NPHS1: variants seen among roughly 807,000 people sequenced by gnomAD.
The protein encoded by NPHS1 is NPHS1 adhesion molecule, nephrin, also known as nephrin.
A neutral mutation model predicts 139.7 loss-of-function variants in NPHS1; 107 were observed. That is an observed-to-expected ratio of 0.77 (90% CI 0.66 to 0.90). The LOEUF (loss-of-function observed/expected upper bound fraction) is 0.90, where lower values mean the gene tolerates loss of function less well. NPHS1 is among the 40% of genes least tolerant of loss of function. NPHS1 has a pLI of 0.00. For synonymous variants in NPHS1, 707 were observed against 706.6 expected, an observed-to-expected ratio of 1.00 and a Z score of -0.01; for missense variants, 1,580 against 1,654.2, an observed-to-expected ratio of 0.96 and a Z score of 0.78.
At chr19:35,846,247 C>A in intron 11 of NPHS1, 53 bp from the exon 12 acceptor site, 4 of 1,527,310 alleles carry the variant, frequency 2.6e-6, no homozygotes, top group Middle Eastern at 2.2e-4. Context: ...CTTCCACCAA[C>A]CCCCAACCCC....
intron 11 of NPHS1, 63 bp downstream of exon 11, chr19:35,847,978 A>G: frequency 6.4e-7 from 1 of 1,551,578 alleles, no homozygotes; most frequent in Non-Finnish European, 8.8e-7. Context: ...TCTGAAGGAG[A>G]GAAGGGGCCT....
In NPHS1 at chr19:35,839,218, C is replaced by A. The variant is rs771076725; in HGVS notation, c.3109+19G>T. The A allele has an allele frequency of 1.2e-6, 2 of 1,613,546 alleles. No individual in the cohort carries two copies. The highest frequency in any genetic ancestry group is 2.2e-5 in the South Asian group (2 of 91,062). On this transcript the variant is annotated intron_variant, in intron 22 of 28. Coordinates refer to ENST00000378910, the MANE Select transcript of NPHS1 (RefSeq NM_004646.4). ...ATCCTCTGAGGAATACTCCAACCTG[C>A]CCAAGCCTCCCTTCCCACCTGGGGT... is the stretch of plus-strand genomic sequence containing the variant.
At chr19:35,847,982 G>A (rs1223734923) in intron 11 of NPHS1, 59 bp downstream of exon 11, 2 of 1,571,114 alleles carry the variant, frequency 1.3e-6, no homozygotes, top group African/African-American at 2.7e-5. Context: ...AAGGAGAGAA[G>A]GGGCCTGGTC....
rs929991772 is a variant in NPHS1 at position 35,826,267 on chromosome 19, C to T, written c.*247G>A. 16 of 498,050 alleles carry T rather than the reference C, an allele frequency of 3.2e-5. No homozygotes were observed. The highest frequency in any genetic ancestry group is 1.5e-4 in the South Asian group (7 of 46,436). The allele number at this position is 498,050 out of a possible 1,614,324, so 30.9% of individuals were successfully genotyped here. A position where few individuals can be genotyped will look rare whatever the true frequency, so the allele number is the denominator to read the frequency against. On this transcript the variant is annotated 3_prime_UTR_variant, in exon 29 of 29. Transcript: ENST00000378910. ...CGGCAGCATTTCATTTTTGAGACGACGTTTACAATCTGCCCTGTCCTTTTG... is the reference window on the plus strand; with the variant it reads ...CGGCAGCATTTCATTTTTGAGACGATGTTTACAATCTGCCCTGTCCTTTTG...
In NPHS1 at chr19:35,845,211, A is replaced by G. The variant is rs1236199745; in HGVS notation, c.1930+157T>C. On this transcript the variant is annotated intron_variant, in intron 14 of 28. Transcript: ENST00000378910. This position sits in a 1 kb window ranked among gnomAD's most constrained non-coding sequence, Gnocchi z 5.5. ...CTTGAGCTCAGGAGTTGGAGACTGC[A>G]GTGACCTATGATTGCGTCACTGCAT... Among the ~76,000 whole-genome samples, 3 of 152,184 alleles carry G rather than the reference A, an allele frequency of 2.0e-5. No individual in the cohort carries two copies. Among genetic ancestry groups the G allele is most frequent in the African/African-American group, 7.2e-5 (3 of 41,432 alleles).
rs2146818880 is a variant in NPHS1 at position 35,841,704 on chromosome 19, C to T, written c.2815+11G>A. 2.5e-6 allele frequency: 4 copies of T among 1,614,114 alleles called. No individual in the cohort carries two copies. The highest frequency in any genetic ancestry group is 2.2e-5 in the East Asian group (1 of 44,870). The stretch of plus-strand genomic sequence containing the variant: ...CACCCCCTCCCCAACACCCTCACAG[C>T]CCCTCCATACTGATGCTGACAAGTT... On this transcript the variant is annotated intron_variant, in intron 20 of 28. Transcript: ENST00000378910.
chr19:35,847,343 C>A (rs1412591361), intron 11 of NPHS1, among the ~76,000 whole-genome samples: 7 of 116,238 alleles, frequency 6.0e-5, no homozygotes, highest in Admixed American at 1.8e-4. Context: ...CTGTGCCCAG[C>A]CTTTTTTTTT....
At chr19:35,831,931 T>G (rs770353986) in intron 23 of NPHS1, among the ~76,000 whole-genome samples, 169 bp from the exon 24 acceptor site, 3 of 152,170 alleles carry the variant, frequency 2.0e-5, no homozygotes, top group African/African-American at 4.8e-5. Context: ...GGCAGGTGGC[T>G]TCTTTCTTAA....
At chr19:35,833,802 T>A (rs545472041) in intron 23 of NPHS1, among the ~76,000 whole-genome samples, 143 of 152,206 alleles carry the variant, frequency 9.4e-4, no homozygotes, top group African/African-American at 3.3e-3. Context: ...GCTCAATCAA[T>A]CCTCCCGCAT....
In NPHS1 at chr19:35,831,248, C is replaced by T. The variant is rs188312898; in HGVS notation, c.3387+48G>A. On this transcript the variant is annotated intron_variant, in intron 26 of 28. Coordinates refer to ENST00000378910, the MANE Select transcript of NPHS1 (RefSeq NM_004646.4). The stretch of plus-strand genomic sequence containing the variant: ...CTGATGCTAACGGCAGGGCTTCAGT[C>T]GCCGTCGGTGCCCTGATTGTGGGGT... The T allele has an allele frequency of 1.3e-3, 2,143 of 1,607,906 alleles. 6 individuals are homozygous for T. The highest frequency in any genetic ancestry group is 1.6e-3 in the Non-Finnish European group (1,857 of 1,174,740).
intron 23 of NPHS1, among the ~76,000 whole-genome samples, chr19:35,834,834 G>A (rs557640700): frequency 6.8e-4 from 103 of 150,782 alleles, no homozygotes; most frequent in Non-Finnish European, 1.1e-3. Context: ...GCAGTCAGCC[G>A]AGATCGCACC....
chr19:35,848,489 C>G lies in NPHS1; in HGVS notation c.1171-92G>C, dbSNP rs1973178120. ...TCCATCCCAGTCCCCAGCAGGGACA[C>G]AGGAGACATCTCTACCTCCCCCTCT... On this transcript the variant is annotated intron_variant, in intron 9 of 28. Coordinates refer to ENST00000378910, the MANE Select transcript of NPHS1 (RefSeq NM_004646.4). 1.9e-6 allele frequency: 3 copies of G among 1,595,202 alleles called. No homozygotes were observed. The Admixed American group carries it at 5.1e-5, about 27-fold the overall frequency.
chr19:35,834,233 G>A (rs138390508), intron 23 of NPHS1, among the ~76,000 whole-genome samples: 23 of 152,124 alleles, frequency 1.5e-4, no homozygotes, highest in African/African-American at 4.3e-4. Context: ...TTTGACCCCC[G>A]TGACCACCTC....
chr19:35,840,833 C>T (rs1460332803), intron 20 of NPHS1, among the ~76,000 whole-genome samples: 3 of 149,680 alleles, frequency 2.0e-5, no homozygotes, highest in South Asian at 2.1e-4. Flanking sequence ...GGATTACAAG[C>T]GCATGCCATC....
chr19:35,833,183 C>CG (rs1269213587), intron 23 of NPHS1, among the ~76,000 whole-genome samples: 4 of 151,988 alleles, frequency 2.6e-5, no homozygotes, highest in Non-Finnish European at 5.9e-5. Context: ...CGCGAGCCAC[C>CG]GTGCCCAGCC....
chr19:35,843,398 C>T (rs1418612557), intron 17 of NPHS1, 74 bp downstream of exon 17: 2 of 1,576,670 alleles, frequency 1.3e-6, no homozygotes, highest in Non-Finnish European at 1.7e-6. Flanking sequence ...GTGGTCCCCA[C>T]TCCCAAGGAA....
rs377011961 is a variant in NPHS1 at position 35,848,273 on chromosome 19, G to A, written c.1295C>T (p.Ser432Leu). The A allele has an allele frequency of 8.1e-5, 130 of 1,614,020 alleles. No homozygotes were observed. The highest frequency in any genetic ancestry group is 9.8e-5 in the Non-Finnish European group (116 of 1,180,044). Residue 432 changes from serine (S) to leucine (L), a missense_variant, in exon 10 of 29, where the codon TCG becomes TTG. Coordinates refer to ENST00000378910, the MANE Select transcript of NPHS1 (RefSeq NM_004646.4). ...EAFTKETFKK[S>L]LILNVKYPAQ... ...CTCACATTTTACGTTCAGGATGAGC[G>A]ACTTCTTGAAGGTCTCCTTGGTGAA...
chr19:35,826,465 G>A lies in NPHS1; in HGVS notation c.*49C>T. ...GCCCAGGCTGTAATGAGAGAGACCA[G>A]TGGAGTGTAAATTCCTGCAGGTGCA... On this transcript the variant is annotated 3_prime_UTR_variant, in exon 29 of 29. Transcript: ENST00000378910. 2.5e-6 allele frequency: 4 copies of A among 1,609,560 alleles called. No homozygotes were observed. The highest frequency in any genetic ancestry group is 1.1e-5 in the South Asian group (1 of 90,944).
At chr19:35,836,550 A>C (rs1972964472) in intron 22 of NPHS1, among the ~76,000 whole-genome samples, 1 of 152,156 alleles carries the variant, frequency 6.6e-6, no homozygotes. Flanking sequence ...GTTCTAAAGC[A>C]AAGGAGGCAA....
Sources: allele counts gnomAD v4.1 joint callset (sites outside exome capture counted in the v4.1 genomes callset), GRCh38; gene constraint gnomAD v4.1.1; non-coding constraint Gnocchi (gnomAD v3.1); transcripts MANE v1.5; gene names NCBI Gene and HGNC (gene_info 2026-07-23, HGNC 2026-07-21).